The following NUDCD1 variants were observed in gnomAD, a reference collection of about 807,000 sequenced individuals.
The protein encoded by NUDCD1 is nudC domain-containing protein 1.
In NUDCD1, 60 loss-of-function variants were observed where a neutral mutation model predicts 67.8. The ratio of observed to expected loss-of-function variants is 0.88; its 90% CI spans 0.72 to 1.10. The LOEUF (loss-of-function observed/expected upper bound fraction) is 1.10. Among genes scored for constraint, NUDCD1 ranks in the 50% least tolerant of loss-of-function variants. The probability of loss-of-function intolerance (pLI) is 0.00; values close to 1 mark genes in which losing one functional copy is unlikely to be tolerated. For synonymous variants in NUDCD1, 244 were observed against 230.8 expected (o/e 1.06, Z -0.52); for missense variants, 643 against 695.0 (o/e 0.93, Z 0.84).
chr8:109,309,459 C>T (rs1428657176), intron 2 of NUDCD1, among the ~76,000 whole-genome samples: 1 of 152,068 alleles, frequency 6.6e-6, no homozygotes, highest in Non-Finnish European at 1.5e-5. Context: ...ACGGACATAC[C>T]TCAATGTAAT....
At chr8:109,326,814 C>A (rs1370177221) in intron 1 of NUDCD1, among the ~76,000 whole-genome samples, 4 of 152,116 alleles carry the variant, frequency 2.6e-5, no homozygotes, top group Non-Finnish European at 5.9e-5. Flanking sequence ...TGAATATCTA[C>A]TATATGTACC....
chr8:109,265,989 A>G (rs775015716), intron 8 of NUDCD1, among the ~76,000 whole-genome samples: 7 of 152,028 alleles, frequency 4.6e-5, no homozygotes, highest in Non-Finnish European at 7.4e-5. Context: ...CCATAATCTA[A>G]TACTTAAAAA....
intron 8 of NUDCD1, among the ~76,000 whole-genome samples, chr8:109,250,972 T>C (rs1049624081): frequency 2.6e-5 from 4 of 152,186 alleles, no homozygotes; most frequent in Admixed American, 2.0e-4. Context: ...AGGGTAATGC[T>C]AGCCTCATAA....
intron 9 of NUDCD1, among the ~76,000 whole-genome samples, chr8:109,244,745 C>A (rs1001367028): frequency 6.6e-6 from 1 of 152,100 alleles, no homozygotes; most frequent in Non-Finnish European, 1.5e-5. Flanking sequence ...TGATTGCATA[C>A]GTCTATAATT....
At chr8:109,304,349 T>C (rs911547831) in intron 2 of NUDCD1, among the ~76,000 whole-genome samples, 16 of 152,292 alleles carry the variant, frequency 1.1e-4, no homozygotes, top group African/African-American at 3.8e-4. Context: ...TTTCCCCATA[T>C]TTCCTTCTTT....
chr8:109,295,181 A>G (rs1399933418), intron 3 of NUDCD1, among the ~76,000 whole-genome samples: 1 of 152,194 alleles, frequency 6.6e-6, no homozygotes, highest in East Asian at 1.9e-4. Context: ...CATATGAAAT[A>G]ATGTGTGGTA....
At chr8:109,282,135 C>G (rs550172409) in intron 5 of NUDCD1, among the ~76,000 whole-genome samples, 2 of 152,294 alleles carry the variant, frequency 1.3e-5, no homozygotes, top group South Asian at 2.1e-4. Flanking sequence ...ACTGGGGGAT[C>G]TGTAGGCAGA....
chr8:109,302,865 A>G (rs2130067187), intron 2 of NUDCD1, among the ~76,000 whole-genome samples: 1 of 152,244 alleles, frequency 6.6e-6, no homozygotes, highest in South Asian at 2.1e-4. Context: ...CACTCCCTAC[A>G]TTAAAAAGTT....
chr8:109,297,686 T>C (rs1409920493), intron 2 of NUDCD1, among the ~76,000 whole-genome samples: 2 of 152,204 alleles, frequency 1.3e-5, no homozygotes, highest in East Asian at 3.8e-4. Context: ...CTCAGAGAAA[T>C]AAATTTCTGT....
At chr8:109,288,024 T>G (rs1263758765) in intron 5 of NUDCD1, among the ~76,000 whole-genome samples, 1 of 152,176 alleles carries the variant, frequency 6.6e-6, no homozygotes, top group Non-Finnish European at 1.5e-5. Flanking sequence ...CCAGTCTTCT[T>G]GAAGTTAACA....
At chr8:109,263,798 T>C (rs1001894805) in intron 8 of NUDCD1, among the ~76,000 whole-genome samples, 3 of 152,138 alleles carry the variant, frequency 2.0e-5, no homozygotes, top group Admixed American at 6.5e-5. Flanking sequence ...GGATGTAAAT[T>C]GCTTTCTCCC....
intron 1 of NUDCD1, among the ~76,000 whole-genome samples, chr8:109,326,038 G>A (rs1815674383): frequency 6.6e-6 from 1 of 152,182 alleles, no homozygotes; most frequent in South Asian, 2.1e-4. Context: ...CTGTGTGGAT[G>A]AAACTCGATA....
chr8:109,290,486 A>G (rs933020902), intron 4 of NUDCD1, among the ~76,000 whole-genome samples: 11 of 152,158 alleles, frequency 7.2e-5, no homozygotes, highest in Non-Finnish European at 7.3e-5. Flanking sequence ...AAGGGGAAAC[A>G]TGCAGTGTGG....
At chr8:109,288,105 A>C (rs1814618373) in intron 5 of NUDCD1, among the ~76,000 whole-genome samples, 1 of 152,232 alleles carries the variant, frequency 6.6e-6, no homozygotes, top group East Asian at 1.9e-4. Context: ...CAAACTACCC[A>C]TAATTTTTAA....
At chr8:109,253,202 C>T (rs1400817534) in intron 8 of NUDCD1, among the ~76,000 whole-genome samples, 1 of 152,146 alleles carries the variant, frequency 6.6e-6, no homozygotes, top group African/African-American at 2.4e-5. Context: ...TCCTCTTGTT[C>T]AGGAAGTTTA....
chr8:109,329,823 G>A, intron 1 of NUDCD1: 1 of 1,550,724 alleles, frequency 6.4e-7, no homozygotes. Flanking sequence ...CTCCAACCCT[G>A]GAGATAAAGC....
At chr8:109,268,215 GA>G (rs1419408952) in intron 8 of NUDCD1, among the ~76,000 whole-genome samples, 1 of 152,090 alleles carries the variant, frequency 6.6e-6, no homozygotes, top group Non-Finnish European at 1.5e-5. Flanking sequence ...CCTGAGGAGT[GA>G]AGTCACATTT....
Position 109,275,382 on chromosome 8 carries a change from T to C in NUDCD1, c.1143A>G (p.Glu381=), listed in dbSNP as rs778195540. The change falls in exon 7 of 10, where the codon GAA becomes GAG. Residue 381 remains glutamate, a synonymous_variant. Transcript: ENST00000239690. ...CTTCAGAGGTCAAATGCATCAAACGTTCAGCTATTGCAGCACACTGGGCTG... is the reference window on the plus strand; with the variant it reads ...CTTCAGAGGTCAAATGCATCAAACGCTCAGCTATTGCAGCACACTGGGCTG... ...RDSAQCAAIA[E]RLMHLTSEEL... The C allele has an allele frequency of 6.2e-6, 10 of 1,613,610 alleles. No individual in the cohort carries two copies. The South Asian group carries it at 1.1e-4, about 18-fold the overall frequency.
At chr8:109,275,077 T>C (rs373995781) in intron 7 of NUDCD1, among the ~76,000 whole-genome samples, 1 of 152,100 alleles carries the variant, frequency 6.6e-6, no homozygotes, top group African/African-American at 2.4e-5. Flanking sequence ...AAAGAATACA[T>C]GTAGAGAGAG....
Sources: gnomAD v4.1 joint callset for allele counts (sites outside exome capture counted in the v4.1 genomes callset) on GRCh38, gnomAD v4.1.1 for gene constraint, MANE v1.5 for transcripts, NCBI Gene and HGNC (gene_info 2026-07-23, HGNC 2026-07-21) for gene names.